PRR5L: variants seen among roughly 807,000 people sequenced by gnomAD.
PRR5L encodes the protein proline-rich protein 5-like.
A neutral mutation model predicts 36.4 loss-of-function variants in PRR5L; 21 were observed. The observed-to-expected ratio is 0.58, with a 90% CI of 0.41 to 0.83. PRR5L has a LOEUF of 0.83. Ranked by LOEUF, PRR5L falls within the 40% of genes least tolerant of loss-of-function variation. PRR5L has a pLI of 0.00. For missense variants in PRR5L, 381 were observed against 473.3 expected, an observed-to-expected ratio of 0.80 and a Z score of 1.81; for synonymous variants, 188 against 197.0, an observed-to-expected ratio of 0.95 and a Z score of 0.38.
intron 1 of PRR5L, among the ~76,000 whole-genome samples, chr11:36,330,866 T>G (rs1187324317): frequency 6.6e-6 from 1 of 151,974 alleles, no homozygotes; most frequent in African/African-American, 2.4e-5. Context: ...GTGTTAGAGG[T>G]GTGATCTCGG....
At chr11:36,362,470 A>G (rs1857100743) in intron 1 of PRR5L, among the ~76,000 whole-genome samples, 1 of 151,962 alleles carries the variant, frequency 6.6e-6, no homozygotes, top group Non-Finnish European at 1.5e-5. Context: ...GTGGGAAACA[A>G]TGACAAGGAG....
chr11:36,436,458 G>A (rs1858607847), intron 5 of PRR5L, among the ~76,000 whole-genome samples: 1 of 152,202 alleles, frequency 6.6e-6, no homozygotes, highest in South Asian at 2.1e-4. Flanking sequence ...GGGTAGCAGG[G>A]ACACTTGGCC....
At chr11:36,412,504 G>T (rs916209271) in intron 3 of PRR5L, among the ~76,000 whole-genome samples, 2 of 152,280 alleles carry the variant, frequency 1.3e-5, no homozygotes, top group Non-Finnish European at 2.9e-5. Context: ...AAGGAAGGCT[G>T]CCAGATTCTA....
At chr11:36,412,830 T>C (rs966815271) in intron 3 of PRR5L, among the ~76,000 whole-genome samples, 8 of 152,142 alleles carry the variant, frequency 5.3e-5, no homozygotes, top group Admixed American at 3.9e-4. Flanking sequence ...GAGAAATCAT[T>C]GAGCTCTGTT....
intron 1 of PRR5L, among the ~76,000 whole-genome samples, chr11:36,371,483 A>G (rs1015171620): frequency 1.3e-5 from 2 of 152,162 alleles, no homozygotes; most frequent in African/African-American, 4.8e-5. Flanking sequence ...AGGACCTGAA[A>G]AACTGTGTGT....
At chr11:36,359,535 A>G (rs568617845) in intron 1 of PRR5L, among the ~76,000 whole-genome samples, 1 of 152,330 alleles carries the variant, frequency 6.6e-6, no homozygotes, top group East Asian at 1.9e-4. Context: ...TTGTGATCAA[A>G]TGCTGACAAT....
At chr11:36,298,986 G>T (rs1856344365) in intron 1 of PRR5L, among the ~76,000 whole-genome samples, 1 of 152,122 alleles carries the variant, frequency 6.6e-6, no homozygotes, top group Admixed American at 6.5e-5. Flanking sequence ...ATTTTTAAAG[G>T]TCCTGCTTCT....
In PRR5L at chr11:36,365,520, A is replaced by C. The variant is rs187995336; in HGVS notation, c.-125-35477A>C. 5.6e-4 allele frequency among the ~76,000 whole-genome samples: 85 copies of C among 152,194 alleles called. 1 individual carries two copies. The highest frequency in any genetic ancestry group is 2.0e-3 in the African/African-American group (81 of 41,538). On this transcript the variant is annotated intron_variant, in intron 1 of 8. Transcript: ENST00000530639. ...TTAAACTATTGAATTTTTTTTTCTG[A>C]AGACCACCTCCAAGTTCTTAATATA...
chr11:36,437,533 G>A, intron 6 of PRR5L, 57 bp downstream of exon 6: 1 of 1,069,578 alleles, frequency 9.3e-7, no homozygotes, highest in Non-Finnish European at 1.4e-6. Context: ...TTCTCTCCTG[G>A]CCCTTGCGGC....
At chr11:36,404,838 A>G (rs1347349595) in intron 3 of PRR5L, among the ~76,000 whole-genome samples, 2 of 152,188 alleles carry the variant, frequency 1.3e-5, no homozygotes, top group Non-Finnish European at 2.9e-5. Flanking sequence ...GACAAAAGAT[A>G]TCTAGCCCAA....
At chr11:36,304,408 G>A (rs962845214) in intron 1 of PRR5L, among the ~76,000 whole-genome samples, 4 of 152,104 alleles carry the variant, frequency 2.6e-5, no homozygotes, top group Non-Finnish European at 5.9e-5. Flanking sequence ...TTTATTTTAG[G>A]GGATATTGTG....
intron 1 of PRR5L, among the ~76,000 whole-genome samples, chr11:36,312,390 A>G (rs945818224): frequency 1.4e-4 from 21 of 152,232 alleles, no homozygotes; most frequent in African/African-American, 4.8e-4. Context: ...AAAGATCACC[A>G]TCTCCATCTG....
At chr11:36,391,219 G>A (rs932053710) in intron 1 of PRR5L, among the ~76,000 whole-genome samples, 21 of 152,254 alleles carry the variant, frequency 1.4e-4, no homozygotes, top group African/African-American at 4.1e-4. Context: ...ATTTTAAGTT[G>A]TTGGGCCATG....
intron 7 of PRR5L, among the ~76,000 whole-genome samples, chr11:36,447,622 C>T (rs184493461): frequency 6.6e-6 from 1 of 152,314 alleles, no homozygotes; most frequent in African/African-American, 2.4e-5. Flanking sequence ...CTAGTGATGA[C>T]CCCTTGCTGC....
chr11:36,384,572 C>G (rs533117302), intron 1 of PRR5L, among the ~76,000 whole-genome samples: 2 of 152,212 alleles, frequency 1.3e-5, no homozygotes, highest in Non-Finnish European at 2.9e-5. Flanking sequence ...TTCTGAGCCT[C>G]TATTCAATGC....
At chr11:36,353,684 A>G (rs1856998174) in intron 1 of PRR5L, among the ~76,000 whole-genome samples, 1 of 152,256 alleles carries the variant, frequency 6.6e-6, no homozygotes, top group South Asian at 2.1e-4. Flanking sequence ...CACACAACCT[A>G]TATCCCTCAC....
At chr11:36,371,352 G>T (rs1227133885) in intron 1 of PRR5L, among the ~76,000 whole-genome samples, 1 of 152,200 alleles carries the variant, frequency 6.6e-6, no homozygotes, top group Non-Finnish European at 1.5e-5. Context: ...TTCTCAAATG[G>T]TCCCATTTTT....
intron 1 of PRR5L, among the ~76,000 whole-genome samples, chr11:36,379,159 G>C (rs1198253724): frequency 2.0e-5 from 3 of 152,146 alleles, no homozygotes; most frequent in Admixed American, 2.0e-4. Flanking sequence ...TCCTCACTTT[G>C]CTCCTTGACT....
intron 1 of PRR5L, among the ~76,000 whole-genome samples, chr11:36,312,834 A>C (rs892952073): frequency 6.6e-6 from 1 of 152,274 alleles, no homozygotes; most frequent in African/African-American, 2.4e-5. Flanking sequence ...TGAGGATTAC[A>C]GACCCTGACC....
Sources: allele counts gnomAD v4.1 joint callset (sites outside exome capture counted in the v4.1 genomes callset), GRCh38; gene constraint gnomAD v4.1.1; transcripts MANE v1.5; gene names NCBI Gene and HGNC (gene_info 2026-07-23, HGNC 2026-07-21).